Variants in ZFC3H1 observed in about 807,000 individuals in gnomAD.
ZFC3H1 encodes zinc finger C3H1 domain-containing protein.
Under a neutral mutation model 243.7 loss-of-function variants are expected in ZFC3H1, and 71 were observed. That is an observed-to-expected ratio of 0.29 (90% CI 0.24 to 0.36). ZFC3H1 has a LOEUF of 0.36. ZFC3H1 is among the 10% of genes least tolerant of loss of function. The pLI is 1.00. For synonymous variants in ZFC3H1, 838 were observed against 813.0 expected, an observed-to-expected ratio of 1.03 and a Z score of -0.52; for missense variants, 1,966 against 2,317.1, an observed-to-expected ratio of 0.85 and a Z score of 3.11.
intron 2 of ZFC3H1, among the ~76,000 whole-genome samples, chr12:71,656,034 G>A (rs903676856): frequency 1.3e-5 from 2 of 152,124 alleles, no homozygotes; most frequent in Non-Finnish European, 2.9e-5. Flanking sequence ...ATAATGAAAG[G>A]CAATATACTG....
intron 5 of ZFC3H1, among the ~76,000 whole-genome samples, chr12:71,643,471 T>G (rs1880651430): frequency 6.6e-6 from 1 of 152,072 alleles, no homozygotes; most frequent in Non-Finnish European, 1.5e-5. Flanking sequence ...TAAGCAAACC[T>G]AACTCCAATT....
intron 6 of ZFC3H1, among the ~76,000 whole-genome samples, chr12:71,640,313 G>A (rs935353607): frequency 6.6e-5 from 10 of 152,162 alleles, no homozygotes; most frequent in Admixed American, 5.2e-4. Context: ...GTGAGTCACC[G>A]TGCCCAGCCA....
chr12:71,622,703 TC>T (rs1399003099), intron 24 of ZFC3H1, among the ~76,000 whole-genome samples: 1 of 152,178 alleles, frequency 6.6e-6, no homozygotes, highest in Non-Finnish European at 1.5e-5. Flanking sequence ...CCTCAGGCAA[TC>T]CGCGCACCTT....
chr12:71,620,171 T>C, intron 25 of ZFC3H1, 39 bp downstream of exon 25: 33 of 1,612,824 alleles, frequency 2.0e-5, no homozygotes, highest in Non-Finnish European at 2.7e-5. Context: ...AAAGATCACT[T>C]TTTAATATAA....
At chr12:71,622,037 C>G (rs1880043245) in intron 24 of ZFC3H1, among the ~76,000 whole-genome samples, 1 of 152,210 alleles carries the variant, frequency 6.6e-6, no homozygotes, top group South Asian at 2.1e-4. Flanking sequence ...TTCTACTTAT[C>G]AAGCTTAATC....
At position 71,624,285 on chromosome 12, in the gene ZFC3H1, T is replaced by A; in HGVS notation, c.4325A>T (p.His1442Leu). The A allele has an allele frequency of 1.2e-6, 2 of 1,608,110 alleles. No homozygotes were observed. The highest frequency in any genetic ancestry group is 8.5e-7 in the Non-Finnish European group (1 of 1,177,398). The change falls in exon 23 of 35, where the codon CAC becomes CTC. Residue 1442 changes from histidine (H) to leucine (L), a missense_variant. Physicochemically the swap from His to Leu is moderately conservative, Grantham distance 99. This residue lies in a region of ZFC3H1 where 1,383 missense variants were observed against 1,723.7 expected (regional missense o/e 0.80). Coordinates refer to ENST00000378743, the MANE Select transcript of ZFC3H1 (RefSeq NM_144982.5). ...PDYQSFWTFLHLESTFEEKDY... is the reference protein window; with the variant it reads ...PDYQSFWTFLLLESTFEEKDY... ...CTTTTCTTCAAAGGTACTTTCTAGG[T>A]GTAGAAACTGCCCAAAGGGCCTTTA...
chr12:71,614,780 G>A (rs977356898), intron 29 of ZFC3H1, 54 bp downstream of exon 29: 31 of 1,593,024 alleles, frequency 1.9e-5, no homozygotes, highest in East Asian at 4.5e-5. Context: ...CCCCTTTCCC[G>A]ATCATACCCC....
intron 5 of ZFC3H1, among the ~76,000 whole-genome samples, chr12:71,643,321 G>A (rs1023692963): frequency 6.6e-6 from 1 of 151,894 alleles, no homozygotes; most frequent in Non-Finnish European, 1.5e-5. Flanking sequence ...ACTGGGGCAG[G>A]AGAATTGTTT....
intron 7 of ZFC3H1, 135 bp downstream of exon 7, chr12:71,638,283 C>T (rs547686725): frequency 1.5e-5 from 12 of 811,226 alleles, no homozygotes; most frequent in African/African-American, 3.5e-5. Flanking sequence ...GTTTATTCTA[C>T]GTATTTCATT....
At chr12:71,631,731 C>T in intron 16 of ZFC3H1, 47 bp downstream of exon 16, 5 of 1,480,498 alleles carry the variant, frequency 3.4e-6, no homozygotes, top group Non-Finnish European at 4.6e-6. Flanking sequence ...TATTAAAAAC[C>T]AAACAGAAAT....
chr12:71,611,201 G>A lies in ZFC3H1; in HGVS notation c.5730-104C>T, dbSNP rs1236934912. The A allele has an allele frequency of 4.2e-6, 5 of 1,178,216 alleles. No homozygotes were observed. The African/African-American group carries it at 4.8e-5, about 11-fold the overall frequency. The allele number at this position is 1,178,216 out of a possible 1,614,324, so 73.0% of individuals were successfully genotyped here. A position where few individuals can be genotyped will look rare whatever the true frequency, so the allele number is the denominator to read the frequency against. ...ACCACTGGCAGAATACTGACTGTGG[G>A]AATCTGAGTACAAAACTTCCTGAAA... On this transcript the variant is annotated intron_variant, in intron 32 of 34. Transcript: ENST00000378743.
intron 6 of ZFC3H1, among the ~76,000 whole-genome samples, chr12:71,642,204 A>ATT (rs2137545960): frequency 6.6e-6 from 1 of 152,262 alleles, no homozygotes; most frequent in South Asian, 2.1e-4. Context: ...TGTCTTATTT[A>ATT]TTTGTTTTTT....
chr12:71,651,523 G>A (rs544753662), intron 2 of ZFC3H1, among the ~76,000 whole-genome samples: 54 of 152,188 alleles, frequency 3.5e-4, no homozygotes, highest in African/African-American at 1.3e-3. Flanking sequence ...ACTAATTTTT[G>A]AATAAATGGA....
chr12:71,649,044 T>C (rs180872362), intron 2 of ZFC3H1, among the ~76,000 whole-genome samples: 72 of 148,140 alleles, frequency 4.9e-4, no homozygotes, highest in African/African-American at 1.7e-3. Context: ...TGAGCTGAGA[T>C]TGTACCACTG....
chr12:71,614,842 T>G lies in ZFC3H1; in HGVS notation c.5352A>C (p.Ile1784=), dbSNP rs750332634. The change falls in exon 29 of 35, where the codon ATA becomes ATC. Residue 1784 remains isoleucine, a synonymous_variant. Transcript: ENST00000378743. ...AGAAAACCTAAACTTACTCCATCCA[T>G]ATCTTCTGTACTATATCACATCTCA... ...VAMRCDIVQK[I]WMDYLVFANN... is the part of the protein sequence containing the mutation. 10 of 1,612,668 alleles carry G rather than the reference T, an allele frequency of 6.2e-6. No individual in the cohort carries two copies. The highest frequency in any genetic ancestry group is 4.5e-5 in the East Asian group (2 of 44,860).
chr12:71,632,044 T>C lies in ZFC3H1; in HGVS notation c.3288A>G (p.Ser1096=). The C allele has an allele frequency of 6.2e-7, 1 of 1,609,130 alleles. No individual in the cohort carries two copies. Among genetic ancestry groups the C allele is most frequent in the South Asian group, 1.1e-5 (1 of 90,330 alleles). ...TCAGCTGTTTTAGGCTGTCAGCTTTTGAATACAATTTTTGCAATTCACCAA... is the reference window on the plus strand; with the variant it reads ...TCAGCTGTTTTAGGCTGTCAGCTTTCGAATACAATTTTTGCAATTCACCAA... ...LKIGELQKLY[S]KADSLKQLIL... is the part of the protein sequence containing the mutation. The change falls in exon 15 of 35, where the codon TCA becomes TCG. Residue 1096 remains serine, a synonymous_variant. Transcript: ENST00000378743.
intron 20 of ZFC3H1, 93 bp from the exon 21 acceptor site, chr12:71,628,027 T>TA: frequency 1.6e-6 from 2 of 1,227,778 alleles, no homozygotes; most frequent in Non-Finnish European, 2.3e-6. Flanking sequence ...TAAAGTAACT[T>TA]AAAAACCTAA....
intron 26 of ZFC3H1, 130 bp downstream of exon 26, chr12:71,619,795 TG>T (rs1879979502): frequency 5.1e-6 from 4 of 779,158 alleles, no homozygotes; most frequent in Non-Finnish European, 8.1e-6. Flanking sequence ...CTAAGTGCTA[TG>T]GCAAAGAGAG....
chr12:71,630,338 T>C (rs1397342977), intron 18 of ZFC3H1, among the ~76,000 whole-genome samples: 1 of 152,190 alleles, frequency 6.6e-6, no homozygotes, highest in Non-Finnish European at 1.5e-5. Context: ...CTTTCTGAAA[T>C]GTTGGAAATG....
Sources: gnomAD v4.1 joint callset for allele counts (sites outside exome capture counted in the v4.1 genomes callset) on GRCh38, gnomAD v4.1.1 for gene constraint, gnomAD v4.1.1 regional missense constraint, MANE v1.5 for transcripts, NCBI Gene and HGNC (gene_info 2026-07-23, HGNC 2026-07-21) for gene names.